The following PFKM variants were observed in gnomAD, a reference collection of about 807,000 sequenced individuals.
The protein encoded by PFKM is ATP-dependent 6-phosphofructokinase, muscle type.
A neutral mutation model predicts 95.5 loss-of-function variants in PFKM; 58 were observed. The ratio of observed to expected loss-of-function variants is 0.61; its 90% confidence interval spans 0.49 to 0.76. PFKM has a LOEUF of 0.76. PFKM is among the 30% of genes least tolerant of loss of function. The probability of loss-of-function intolerance (pLI) is 0.00; values close to 1 mark genes in which losing one functional copy is unlikely to be tolerated. For synonymous variants in PFKM, 336 were observed against 357.2 expected, an observed-to-expected ratio of 0.94 and a Z score of 0.67; for missense variants, 678 against 1,005.4, an observed-to-expected ratio of 0.67 and a Z score of 4.40.
intron 10 of PFKM, among the ~76,000 whole-genome samples, chr12:48,135,728 T>G (rs912702654): frequency 2.0e-5 from 3 of 152,198 alleles, no homozygotes; most frequent in African/African-American, 7.2e-5. Context: ...GCCCAGTTTC[T>G]TTCAATGGTA....
chr12:48,132,728 G>A (rs1186992599), intron 4 of PFKM, 140 bp from the exon 5 acceptor site: 1 of 742,936 alleles, frequency 1.3e-6, no homozygotes, highest in Non-Finnish European at 2.4e-6. Flanking sequence ...TCCTTTGGAA[G>A]GGACAGATCA....
At chr12:48,105,782 G>A (rs910196199), upstream of PFKM, 5 of 573,236 alleles carry the variant, frequency 8.7e-6, no homozygotes, top group Non-Finnish European at 1.6e-5. Flanking sequence ...CGCGGCCCAG[G>A]AGAGAGAGAC....
intron 7 of PFKM, among the ~76,000 whole-genome samples, 188 bp downstream of exon 7, chr12:48,134,464 C>G (rs1248268843): frequency 6.6e-6 from 1 of 152,216 alleles, no homozygotes; most frequent in African/African-American, 2.4e-5. Context: ...TGTACGTGCT[C>G]AGGCACGTGC....
At chr12:48,140,674 C>A (rs368815446) in intron 13 of PFKM, 48 bp from the exon 14 acceptor site, 3 of 1,603,134 alleles carry the variant, frequency 1.9e-6, no homozygotes, top group South Asian at 1.1e-5. Context: ...CCTCCCTGTT[C>A]CCCTGCTGGG....
Position 48,145,726 on chromosome 12 carries a change from G to T in PFKM, c.*18G>T. Reference sequence around the variant, plus strand: ...CCGTCTAAACCTCTCTGGAGTGAGGGGAATAGATTACCTGATCATGGTCAG... The same window carrying T: ...CCGTCTAAACCTCTCTGGAGTGAGGTGAATAGATTACCTGATCATGGTCAG... On this transcript the variant is annotated 3_prime_UTR_variant, in exon 23 of 23. Coordinates refer to ENST00000359794, the MANE Select transcript of PFKM (RefSeq NM_000289.6). The surrounding 1 kb of genome is among the most constrained non-coding windows in gnomAD (Gnocchi z 4.3). The T allele has an allele frequency of 6.2e-7, 1 of 1,613,016 alleles. No homozygotes were observed. The highest frequency in any genetic ancestry group is 8.5e-7 in the Non-Finnish European group (1 of 1,179,060).
At position 48,137,733 on chromosome 12, in the gene PFKM, G is replaced by A. The variant is rs911748827; in HGVS notation, c.949G>A (p.Gly317Ser). 4 of 1,614,068 alleles carry A rather than the reference G, an allele frequency of 2.5e-6. No homozygotes were observed. Among genetic ancestry groups the A allele is most frequent in the Non-Finnish European group, 3.4e-6 (4 of 1,180,032 alleles). Residue 317 changes from glycine to serine, a missense_variant, in exon 11 of 23, where the codon GGT (glycine) becomes AGT (serine). Transcript: ENST00000359794. The part of the protein sequence containing the change: ...AFDRILGSRM[G>S]VEAVMALLEG... ...TGGGCTCCTGCAGGGCAGCAGGATG[G>A]GTGTGGAAGCAGTGATGGCACTTTT...
upstream of PFKM, chr12:48,119,257 ATC>A (rs1947940933): frequency 1.0e-6 from 1 of 984,516 alleles, no homozygotes; most frequent in African/African-American, 1.7e-5. Context: ...TCTTGTCAGC[ATC>A]TGTTAGTGGA....
rs1951010105 is a variant in PFKM at position 48,145,944 on chromosome 12, C to T, written c.*236C>T. 3.6e-6 allele frequency: 2 copies of T among 561,604 alleles called. No individual in the cohort carries two copies. Among genetic ancestry groups the T allele is most frequent in the Non-Finnish European group, 3.2e-6 (1 of 312,970 alleles). 34.8% of individuals were successfully genotyped at this position (561,604 alleles called of 1,614,324 possible). Reference sequence around the variant, plus strand: ...GCTTTATCTGTCACACAAGGCTGGGCACCTCTAGTGCTACTGCTAGATATC... The same window carrying T: ...GCTTTATCTGTCACACAAGGCTGGGTACCTCTAGTGCTACTGCTAGATATC... On this transcript the variant is annotated 3_prime_UTR_variant, in exon 23 of 23. Transcript: ENST00000359794. The surrounding 1 kb of genome is among the most constrained non-coding windows in gnomAD (Gnocchi z 4.3).
rs150405056 is a variant in PFKM, at chr12:48,122,826, A to G, written c.52A>G (p.Ile18Val). 64 of 1,614,140 alleles carry G rather than the reference A, an allele frequency of 4.0e-5. No homozygotes were observed. In the African/African-American group the frequency reaches 7.6e-4, roughly 19 times the overall value. The change falls in exon 2 of 23, where the codon ATT becomes GTT. Residue 18 changes from isoleucine (I) to valine (V), a missense_variant. Physicochemically the swap from Ile to Val is conservative, Grantham distance 29 (BLOSUM62 3). Coordinates refer to ENST00000359794, the MANE Select transcript of PFKM (RefSeq NM_000289.6). ...CAAAACCCTGGGGATTGGCAAAGCC[A>G]TTGCTGTCTTAACCTCTGGTGGAGA... ...AAKTLGIGKA[I>V]AVLTSGGDAQ...
chr12:48,133,036 T>C lies in PFKM; in HGVS notation c.406T>C (p.Leu136=), dbSNP rs1395320945. 1 of 1,614,046 alleles carries C rather than the reference T, an allele frequency of 6.2e-7. No individual in the cohort carries two copies. The highest frequency in any genetic ancestry group is 8.5e-7 in the Non-Finnish European group (1 of 1,180,006). The part of the protein sequence containing the change: ...DTFRSEWSDL[L]SDLQKAGKIT... The stretch of plus-strand genomic sequence containing the variant: ...CTTCCGTTCTGAGTGGAGTGACTTG[T>C]TGAGTGACCTCCAGAAAGCAGGTAA... The change falls in exon 5 of 23, where the codon TTG becomes CTG. Residue 136 remains leucine (L), a synonymous_variant. Coordinates refer to ENST00000359794, the MANE Select transcript of PFKM (RefSeq NM_000289.6).
upstream of PFKM, among the ~76,000 whole-genome samples, chr12:48,116,654 A>G (rs929260738): frequency 1.3e-5 from 2 of 152,088 alleles, no homozygotes; most frequent in African/African-American, 2.4e-5. Context: ...AATTTTTTGT[A>G]TTTTTGTAGA....
chr12:48,115,907 C>T (rs75453537), upstream of PFKM, among the ~76,000 whole-genome samples: 188 of 152,184 alleles, frequency 1.2e-3, no homozygotes, highest in Non-Finnish European at 2.2e-3. Flanking sequence ...CATTGGTATA[C>T]AGATTTTGTG....
intron 3 of PFKM, among the ~76,000 whole-genome samples, chr12:48,114,363 A>C (rs1009176968): frequency 1.3e-5 from 2 of 152,174 alleles, no homozygotes; most frequent in African/African-American, 4.8e-5. Context: ...ATGTACCCTG[A>C]CTATGCCTTC....
chr12:48,124,002 T>A (rs1422113139), intron 2 of PFKM, among the ~76,000 whole-genome samples: 1 of 152,244 alleles, frequency 6.6e-6, no homozygotes, highest in Admixed American at 6.5e-5. Flanking sequence ...ATACATGTGA[T>A]CATTAATTAA....
intron 5 of PFKM, 63 bp downstream of exon 5, chr12:48,133,120 C>A: frequency 6.7e-7 from 1 of 1,482,366 alleles, no homozygotes; most frequent in Non-Finnish European, 9.4e-7. Context: ...TGTACACACA[C>A]ACATCGCCCC....
intron 3 of PFKM, 62 bp downstream of exon 3, chr12:48,130,498 T>C (rs1949365927): frequency 3.2e-6 from 4 of 1,241,264 alleles, no homozygotes. Flanking sequence ...CTGCCTTCTA[T>C]CCCCTTCCCA....
At chr12:48,142,633 C>T in intron 17 of PFKM, 149 bp from the exon 18 acceptor site, 1 of 771,010 alleles carries the variant, frequency 1.3e-6, no homozygotes, top group Admixed American at 2.0e-5. Flanking sequence ...ATGCCTGTTA[C>T]CCTAAATGCA....
intron 6 of PFKM, among the ~76,000 whole-genome samples, chr12:48,133,698 A>G (rs1451203400): frequency 6.6e-6 from 1 of 152,204 alleles, no homozygotes; most frequent in East Asian, 1.9e-4. Context: ...TGTCTGGCCC[A>G]CTGTCCAAAT....
At chr12:48,139,462 T>C (rs1404253968) in intron 12 of PFKM, 113 bp downstream of exon 12, 1 of 827,846 alleles carries the variant, frequency 1.2e-6, no homozygotes, top group Non-Finnish European at 2.0e-6. Flanking sequence ...CCTTTTCTGA[T>C]TCTCTCTGCA....
Sources: gnomAD v4.1 joint callset for allele counts (sites outside exome capture counted in the v4.1 genomes callset) on GRCh38, gnomAD v4.1.1 for gene constraint, Gnocchi (gnomAD v3.1) non-coding constraint, MANE v1.5 for transcripts, NCBI Gene and HGNC (gene_info 2026-07-23, HGNC 2026-07-21) for gene names.